Variants in MAGI2 observed in about 807,000 individuals in gnomAD.
MAGI2 encodes membrane-associated guanylate kinase, WW and PDZ domain-containing protein 2.
In MAGI2, 35 loss-of-function variants were observed where a neutral mutation model predicts 133.3. The ratio of observed to expected loss-of-function variants is 0.26; its 90% confidence interval spans 0.20 to 0.35. The LOEUF is 0.35. Ranked by LOEUF, MAGI2 falls within the 10% of genes least tolerant of loss-of-function variation. MAGI2 has a pLI of 1.00. For missense variants in MAGI2, 1,636 were observed against 1,863.4 expected, an observed-to-expected ratio of 0.88 and a Z score of 2.25; for synonymous variants, 729 against 710.6, an observed-to-expected ratio of 1.03 and a Z score of -0.41.
intron 6 of MAGI2, among the ~76,000 whole-genome samples, chr7:78,453,310 A>G (rs1788929881): frequency 6.6e-6 from 1 of 152,208 alleles, no homozygotes; most frequent in Admixed American, 6.5e-5. Flanking sequence ...CTCACTAATG[A>G]TCAACTCTTT....
intron 1 of MAGI2, among the ~76,000 whole-genome samples, chr7:79,389,838 T>A (rs907518308): frequency 5.3e-5 from 8 of 151,934 alleles, no homozygotes; most frequent in African/African-American, 1.9e-4. Context: ...GTTTCCTGAG[T>A]CTAGAGCTAT....
At chr7:78,632,954 T>C (rs1042158070) in intron 2 of MAGI2, among the ~76,000 whole-genome samples, 4 of 152,234 alleles carry the variant, frequency 2.6e-5, no homozygotes, top group African/African-American at 9.6e-5. Context: ...GAATGTTCAC[T>C]GCAGCAGTAT....
intron 1 of MAGI2, among the ~76,000 whole-genome samples, chr7:79,104,541 C>T (rs1818277634): frequency 6.6e-6 from 1 of 151,928 alleles, no homozygotes; most frequent in Non-Finnish European, 1.5e-5. Flanking sequence ...GTGGGACGCG[C>T]CTGTAGTCCC....
chr7:78,778,496 C>T (rs1272232043), intron 2 of MAGI2, among the ~76,000 whole-genome samples: 2 of 152,118 alleles, frequency 1.3e-5, no homozygotes, highest in African/African-American at 4.8e-5. Flanking sequence ...AAAAACATTC[C>T]TTAGAAGTAG....
Position 79,324,654 on chromosome 7 carries a change from ATTATATATATATAAAAT to A in MAGI2, c.301+128349_301+128365del, listed in dbSNP as rs1430030144. On this transcript the variant is annotated intron_variant, in intron 1 of 21. Transcript: ENST00000354212. ...TTATATATATATAAAATATATATATATTATATATATATAAAATATATATATATTATATATATATAAAA... is the reference window on the plus strand; with the variant it reads ...TTATATATATATAAAATATATATATAATATATATATTATATATATATAAAA... 8.0e-3 allele frequency among the ~76,000 whole-genome samples: 20 copies of A among 2,496 alleles called. 4 individuals carry two copies. Among genetic ancestry groups the A allele is most frequent in the African/African-American group, 0.018 (13 of 724 alleles). The allele number at this position is 2,496 out of a possible 152,430, so 1.6% of individuals were successfully genotyped here. A position where few individuals can be genotyped will look rare whatever the true frequency, so the allele number is the denominator to read the frequency against.
In MAGI2 at chr7:78,256,177, T is replaced by C. The variant is rs1792954311; in HGVS notation, c.1813A>G (p.Thr605Ala). 3 of 1,613,834 alleles carry C rather than the reference T, an allele frequency of 1.9e-6. No individual in the cohort carries two copies. The highest frequency in any genetic ancestry group is 1.1e-5 in the South Asian group (1 of 91,088). ...TGGGCACCTTTCACAATGGTTAAGGTCATAAGTTCAGCTTGGGTGGCCCCA... is the reference window on the plus strand; with the variant it reads ...TGGGCACCTTTCACAATGGTTAAGGCCATAAGTTCAGCTTGGGTGGCCCCA... Reference protein sequence around the residue: ...SSGATQAELMTLTIVKGAQGF... With the variant: ...SSGATQAELMALTIVKGAQGF... The change falls in exon 10 of 22, where the codon ACC becomes GCC. Residue 605 changes from threonine (T) to alanine (A), a missense_variant. Physicochemically the swap from Thr to Ala is moderately conservative, Grantham distance 58. Transcript: ENST00000354212.
intron 3 of MAGI2, among the ~76,000 whole-genome samples, chr7:78,529,244 T>C (rs946508207): frequency 6.6e-6 from 1 of 152,220 alleles, no homozygotes; most frequent in Non-Finnish European, 1.5e-5. Context: ...CGTCAGCTAA[T>C]GTAGACAGGC....
intron 1 of MAGI2, among the ~76,000 whole-genome samples, chr7:79,340,991 C>A (rs1051291237): frequency 6.6e-6 from 1 of 152,082 alleles, no homozygotes; most frequent in Non-Finnish European, 1.5e-5. Context: ...ATGAAGCAAA[C>A]ACCTATTATA....
intron 2 of MAGI2, among the ~76,000 whole-genome samples, chr7:78,789,694 A>G (rs1827112316): frequency 3.9e-5 from 6 of 152,222 alleles, no homozygotes. Flanking sequence ...TCCTAGTGTT[A>G]CAAATATTCC....
intron 1 of MAGI2, among the ~76,000 whole-genome samples, chr7:79,100,441 A>T (rs1043874266): frequency 1.3e-4 from 19 of 151,814 alleles, no homozygotes; most frequent in Non-Finnish European, 2.2e-4. Flanking sequence ...CATTGTTTCC[A>T]TTCATATTTT....
chr7:78,964,948 A>G (rs1438697309), intron 2 of MAGI2, among the ~76,000 whole-genome samples: 1 of 151,946 alleles, frequency 6.6e-6, no homozygotes, highest in African/African-American at 2.4e-5. Flanking sequence ...CTTTTCATCA[A>G]GAAAAAGAAT....
At chr7:78,220,320 T>G (rs1395768488) in intron 10 of MAGI2, among the ~76,000 whole-genome samples, 2 of 152,224 alleles carry the variant, frequency 1.3e-5, no homozygotes, top group Non-Finnish European at 2.9e-5. Context: ...CTGGTAGAAC[T>G]GACCAATCTT....
intron 1 of MAGI2, among the ~76,000 whole-genome samples, chr7:79,377,324 C>T (rs1244599942): frequency 1.3e-5 from 2 of 151,754 alleles, no homozygotes; most frequent in Non-Finnish European, 2.9e-5. Context: ...GCACAACAAG[C>T]CTCCAGCTCA....
chr7:78,243,255 ACACACACACACACACTCTCTCTCT>A (rs1338726575), intron 10 of MAGI2, among the ~76,000 whole-genome samples: 840 of 42,326 alleles, frequency 0.02, 8 homozygotes, highest in African/African-American at 0.044. Context: ...ACACACACAC[ACACACACACACACACTCTCTCTCT>A]CTCTCTCTTA....
intron 2 of MAGI2, among the ~76,000 whole-genome samples, chr7:78,916,398 G>A (rs992318370): frequency 2.6e-5 from 4 of 151,966 alleles, no homozygotes; most frequent in East Asian, 3.9e-4. Context: ...TATGTTCTAG[G>A]CACTATTATA....
chr7:79,280,005 G>A (rs1331904687), intron 1 of MAGI2, among the ~76,000 whole-genome samples: 1 of 152,100 alleles, frequency 6.6e-6, no homozygotes, highest in Admixed American at 6.6e-5. Context: ...AAACTAGGAG[G>A]AGGTCTTTTT....
chr7:79,028,778 C>G (rs1338862503), intron 1 of MAGI2, among the ~76,000 whole-genome samples: 1 of 152,048 alleles, frequency 6.6e-6, no homozygotes, highest in African/African-American at 2.4e-5. Context: ...AGGAATGCTC[C>G]ATGTCATAAA....
At chr7:78,304,036 A>C (rs1214898193) in intron 9 of MAGI2, among the ~76,000 whole-genome samples, 2 of 152,212 alleles carry the variant, frequency 1.3e-5, no homozygotes, top group Non-Finnish European at 2.9e-5. Context: ...GTTCTGCCTT[A>C]AATTCTTACT....
At chr7:78,265,006 A>C (rs1793858800) in intron 9 of MAGI2, among the ~76,000 whole-genome samples, 1 of 152,206 alleles carries the variant, frequency 6.6e-6, no homozygotes, top group Non-Finnish European at 1.5e-5. Context: ...ATTTCTCAAA[A>C]GAATGAAAGG....
Sources: gnomAD v4.1 joint callset for allele counts (sites outside exome capture counted in the v4.1 genomes callset) on GRCh38, gnomAD v4.1.1 for gene constraint, MANE v1.5 for transcripts, NCBI Gene and HGNC (gene_info 2026-07-23, HGNC 2026-07-21) for gene names.